The following OR2L13 variants were observed in gnomAD, a reference collection of about 807,000 sequenced individuals.
The protein encoded by OR2L13 is olfactory receptor family 2 subfamily L member 13, also known as olfactory receptor 2L13.
OR2L13 carries 14 observed loss-of-function variants against 15.3 expected under a neutral mutation model. That is an observed-to-expected ratio of 0.91 (90% confidence interval 0.60 to 1.43). The LOEUF is 1.43. OR2L13 is among the 40% of genes most tolerant of loss of function. The pLI is 0.00. For missense variants in OR2L13, 367 were observed against 387.9 expected (o/e 0.95, Z 0.45); for synonymous variants, 152 against 142.9 (o/e 1.06, Z -0.45).
the OR2L13 span, among the ~76,000 whole-genome samples, chr1:248,031,105 C>T: frequency 5.9e-5 from 9 of 152,196 alleles, no homozygotes; most frequent in East Asian, 5.8e-4. Flanking sequence ...ACAGAACCCA[C>T]GTGGATTTAT....
the OR2L13 span, among the ~76,000 whole-genome samples, chr1:248,057,125 G>A: frequency 1.3e-5 from 2 of 152,166 alleles, no homozygotes; most frequent in Non-Finnish European, 2.9e-5. Context: ...GTTGTTTTGG[G>A]AAGGAGAGTT....
intron 1 of OR2L13, among the ~76,000 whole-genome samples, chr1:248,098,436 A>C (rs971000789): frequency 1.3e-5 from 2 of 152,204 alleles, no homozygotes; most frequent in African/African-American, 4.8e-5. Flanking sequence ...TTTGGCATCC[A>C]AGTCCAATGC....
the OR2L13 span, among the ~76,000 whole-genome samples, chr1:248,079,939 A>T: frequency 1.1e-4 from 17 of 152,326 alleles, no homozygotes; most frequent in South Asian, 3.5e-3. Flanking sequence ...CAAGCCACAC[A>T]TTGGAAGATA....
the OR2L13 span, chr1:247,949,547 A>T: frequency 3.1e-6 from 5 of 1,613,976 alleles, no homozygotes; most frequent in African/African-American, 6.7e-5. Flanking sequence ...TGAAATCTGC[A>T]GAAGGGAGGA....
the OR2L13 span, chr1:247,991,287 A>C: frequency 3.7e-6 from 3 of 820,686 alleles, no homozygotes; most frequent in Non-Finnish European, 5.7e-6. Flanking sequence ...ATATTATTAC[A>C]TGCCCAGTAT....
the OR2L13 span, among the ~76,000 whole-genome samples, chr1:247,945,108 A>G: frequency 6.6e-6 from 1 of 151,784 alleles, no homozygotes; most frequent in Non-Finnish European, 1.5e-5. Context: ...TAGGGTGTCG[A>G]TTTGAGATCT....
chr1:247,948,944 C>T, the OR2L13 span: 2 of 1,613,778 alleles, frequency 1.2e-6, no homozygotes, highest in Non-Finnish European at 1.7e-6. Context: ...TCTTCATTCT[C>T]ATTGTTTTCA....
chr1:247,964,530 A>G, the OR2L13 span, among the ~76,000 whole-genome samples: 2 of 152,120 alleles, frequency 1.3e-5, no homozygotes, highest in Non-Finnish European at 2.9e-5. Context: ...TATTTCTTTT[A>G]TTATTTTTAA....
chr1:248,028,733 A>G, the OR2L13 span, among the ~76,000 whole-genome samples: 1 of 152,218 alleles, frequency 6.6e-6, no homozygotes, highest in South Asian at 2.1e-4. Context: ...TAAGTTGTTG[A>G]CTCATATCCC....
the OR2L13 span, among the ~76,000 whole-genome samples, chr1:248,068,219 C>T: frequency 1.3e-5 from 2 of 152,158 alleles, no homozygotes; most frequent in Non-Finnish European, 2.9e-5. Context: ...ACCCCTGACC[C>T]CTGAGCAGCC....
the OR2L13 span, chr1:248,083,589 A>T: frequency 8.3e-7 from 1 of 1,205,192 alleles, no homozygotes; most frequent in Non-Finnish European, 1.2e-6. Flanking sequence ...ACAATGTGTT[A>T]AAATGTTGAT....
the OR2L13 span, among the ~76,000 whole-genome samples, chr1:247,945,884 T>C: frequency 6.6e-6 from 1 of 152,210 alleles, no homozygotes; most frequent in Admixed American, 6.5e-5. Context: ...TGAGTCTATG[T>C]GCATTTTTGC....
At chr1:247,984,563 ATT>A in the OR2L13 span, among the ~76,000 whole-genome samples, 1 of 152,168 alleles carries the variant, frequency 6.6e-6, no homozygotes, top group Admixed American at 6.5e-5. Flanking sequence ...TGTGAAAATA[ATT>A]TGTTCTTCTG....
At chr1:248,066,486 T>A in the OR2L13 span, among the ~76,000 whole-genome samples, 1 of 152,170 alleles carries the variant, frequency 6.6e-6, no homozygotes, top group South Asian at 2.1e-4. Context: ...AGATGAAATA[T>A]CTTATCAATC....
the OR2L13 span, among the ~76,000 whole-genome samples, chr1:247,979,082 T>A: frequency 0.039 from 5,901 of 152,212 alleles, 353 homozygotes; most frequent in African/African-American, 0.13. Flanking sequence ...TAAGGATTCT[T>A]CCTTCCTTAT....
the OR2L13 span, among the ~76,000 whole-genome samples, chr1:248,035,047 T>TC: frequency 6.6e-6 from 1 of 151,310 alleles, no homozygotes; most frequent in African/African-American, 2.4e-5. Context: ...TATTTATCTT[T>TC]CCCTTTTTTT....
chr1:248,089,512 A>G, the OR2L13 span, among the ~76,000 whole-genome samples: 1 of 152,140 alleles, frequency 6.6e-6, no homozygotes, highest in African/African-American at 2.4e-5. Flanking sequence ...GATAAAGGAA[A>G]AGCTTAAGTT....
chr1:247,954,767 C>T, the OR2L13 span, among the ~76,000 whole-genome samples: 4 of 151,840 alleles, frequency 2.6e-5, no homozygotes, highest in Non-Finnish European at 5.9e-5. Flanking sequence ...AGCATGCCAA[C>T]GTTTTCATCA....
chr1:248,091,624 C>A (rs1664598762), upstream of OR2L13, among the ~76,000 whole-genome samples: 1 of 152,016 alleles, frequency 6.6e-6, no homozygotes, highest in South Asian at 2.1e-4. Context: ...GCTCTCCATT[C>A]TGTTCCGTTG....
Sources: gnomAD v4.1 joint callset for allele counts (sites outside exome capture counted in the v4.1 genomes callset) on GRCh38, gnomAD v4.1.1 for gene constraint, MANE v1.5 for transcripts, NCBI Gene and HGNC (gene_info 2026-07-23, HGNC 2026-07-21) for gene names.